Variants in RPTOR observed in about 807,000 individuals in gnomAD.
RPTOR encodes the protein regulatory associated protein of MTOR complex 1.
A neutral mutation model predicts 169.9 loss-of-function variants in RPTOR; 21 were observed. That is an observed-to-expected ratio of 0.12 (90% CI 0.09 to 0.18). The LOEUF is 0.18. Among genes scored for constraint, RPTOR ranks in the 10% least tolerant of loss-of-function variants. RPTOR has a pLI of 1.00. For missense variants in RPTOR, 1,133 were observed against 1,855.9 expected (o/e 0.61, Z 7.16); for synonymous variants, 732 against 753.2 (o/e 0.97, Z 0.46).
intron 4 of RPTOR, among the ~76,000 whole-genome samples, chr17:80,717,189 T>C (rs1729011329): frequency 6.6e-6 from 1 of 152,210 alleles, no homozygotes; most frequent in Non-Finnish European, 1.5e-5. Context: ...AGATGTGGCA[T>C]GCACCCCTCT....
intron 2 of RPTOR, among the ~76,000 whole-genome samples, chr17:80,627,579 T>A (rs2065405829): frequency 6.6e-6 from 1 of 152,234 alleles, no homozygotes; most frequent in Admixed American, 6.5e-5. Context: ...TGTATCTTGC[T>A]TCTTTCCTTT....
intron 1 of RPTOR, among the ~76,000 whole-genome samples, chr17:80,561,864 A>G (rs1354426291): frequency 6.6e-6 from 1 of 151,662 alleles, no homozygotes; most frequent in Non-Finnish European, 1.5e-5. Context: ...GTATACATGT[A>G]AGTATGTATG....
intron 10 of RPTOR, among the ~76,000 whole-genome samples, chr17:80,842,023 G>A (rs866864390): frequency 1.3e-5 from 2 of 150,098 alleles, no homozygotes; most frequent in South Asian, 4.3e-4. Flanking sequence ...CTCACCACAC[G>A]GCAGCTCACT....
chr17:80,660,440 C>G (rs751082081), intron 3 of RPTOR, among the ~76,000 whole-genome samples: 1 of 152,060 alleles, frequency 6.6e-6, no homozygotes, highest in South Asian at 2.1e-4. Flanking sequence ...AGTGATGGAT[C>G]GTACAACCTT....
chr17:80,690,187 C>T (rs944732777), intron 3 of RPTOR, among the ~76,000 whole-genome samples: 3 of 152,116 alleles, frequency 2.0e-5, no homozygotes, highest in African/African-American at 7.2e-5. Context: ...TTCCAGTCTC[C>T]TTTCATCTGT....
intron 6 of RPTOR, among the ~76,000 whole-genome samples, chr17:80,777,219 C>A (rs1233592823): frequency 1.4e-5 from 2 of 144,502 alleles, no homozygotes; most frequent in African/African-American, 5.2e-5. Context: ...GTCTTGGCAA[C>A]AGAGCAAGAC....
rs114761212 is a variant in RPTOR, at chr17:80,807,831, C to T, written c.891-14370C>T. Among the ~76,000 whole-genome samples, 374 of 152,248 alleles carry T rather than the reference C, an allele frequency of 2.5e-3. 1 individual carries two copies. The highest frequency in any genetic ancestry group is 8.8e-3 in the African/African-American group (366 of 41,540). On this transcript the variant is annotated intron_variant, in intron 7 of 33. Transcript: ENST00000306801. ...CAGATAGTATATGCCTTAGACTTTG[C>T]AGGCCATGTAAGGTCTCTGTCTCAT... is the stretch of plus-strand genomic sequence containing the variant.
In RPTOR at chr17:80,763,305, A is replaced by G. The variant is rs1319976972; in HGVS notation, c.830+9120A>G. Among the ~76,000 whole-genome samples the G allele has an allele frequency of 3.9e-5, 6 of 152,202 alleles. 1 individual carries two copies. The highest frequency in any genetic ancestry group is 3.9e-4 in the Admixed American group (6 of 15,286). ...TGTATTTCAAAGGTTGGAAATCAGA[A>G]GATGAAAAAGAGAAATACGAGCTAA... On this transcript the variant is annotated intron_variant, in intron 6 of 33. Coordinates refer to ENST00000306801, the MANE Select transcript of RPTOR (RefSeq NM_020761.3).
rs1599535327 is a variant in RPTOR, at chr17:80,544,902, A to G, written c.-728A>G. On this transcript the variant is annotated 5_prime_UTR_variant, in exon 1 of 34. Transcript: ENST00000306801. ...ATGAGTTTCACTGTAGCTCCAAACCAGAGGGCAAAGCTCCCATGACCCAAT... is the reference window on the plus strand; with the variant it reads ...ATGAGTTTCACTGTAGCTCCAAACCGGAGGGCAAAGCTCCCATGACCCAAT... The G allele has an allele frequency of 2.2e-5, 5 of 227,218 alleles. No individual in the cohort carries two copies. The highest frequency in any genetic ancestry group is 3.6e-4 in the South Asian group (2 of 5,484). 14.1% of individuals were successfully genotyped at this position (227,218 alleles called of 1,614,324 possible).
chr17:80,806,950 A>G (rs1236016798), intron 7 of RPTOR, among the ~76,000 whole-genome samples: 2 of 152,158 alleles, frequency 1.3e-5, no homozygotes, highest in African/African-American at 2.4e-5. Context: ...AACCCTCAGA[A>G]CTGAAGAAGG....
chr17:80,896,219 C>T (rs2143888117), intron 20 of RPTOR, among the ~76,000 whole-genome samples: 1 of 152,132 alleles, frequency 6.6e-6, no homozygotes, highest in African/African-American at 2.4e-5. Flanking sequence ...TTCTTTATGC[C>T]ACCCCAGACC....
chr17:80,548,371 G>GTTTTTTTTTTTTTTTTTTTTTTTTTTT (rs34301408), intron 1 of RPTOR, among the ~76,000 whole-genome samples: 1 of 63,432 alleles, frequency 1.6e-5, no homozygotes, highest in Non-Finnish European at 3.0e-5. Flanking sequence ...GCCTGGGGTG[G>GTTTTTTTTTTTTTTTTTTTTTTTTTTT]TTTTTTTTTT....
chr17:80,805,467 G>T (rs755363747), intron 7 of RPTOR: 1 of 152,256 alleles, frequency 6.6e-6, no homozygotes, highest in Non-Finnish European at 1.5e-5. Context: ...TGCTTTTCTC[G>T]ATGTGGCAGG....
rs2066278661 is a variant in RPTOR at position 80,720,770 on chromosome 17, C to CTGGGATACACAGGAAGACTGCCATCAG, written c.508-9790_508-9789insTGGGATACACAGGAAGACTGCCATCAG. ...CGGAGCCACAGACTGCCAGGCCCTCCCTGAGCCTCTGCTTCTGTGGCCGTG... is the reference window on the plus strand; with the variant it reads ...CGGAGCCACAGACTGCCAGGCCCTCCTGGGATACACAGGAAGACTGCCATCAGCTGAGCCTCTGCTTCTGTGGCCGTG... On this transcript the variant is annotated intron_variant, in intron 4 of 33. Transcript: ENST00000306801. Among the ~76,000 whole-genome samples the CTGGGATACACAGGAAGACTGCCATCAG allele has an allele frequency of 4.8e-5, 7 of 146,564 alleles. 1 individual carries two copies. The highest frequency in any genetic ancestry group is 1.9e-4 in the African/African-American group (7 of 36,350).
chr17:80,953,826 C>G (rs2069213635), intron 28 of RPTOR, among the ~76,000 whole-genome samples: 1 of 152,210 alleles, frequency 6.6e-6, no homozygotes, highest in South Asian at 2.1e-4. Flanking sequence ...TGCCCTCCCG[C>G]CCGGTTGCAC....
chr17:80,548,839 A>G (rs1019638099), intron 1 of RPTOR, among the ~76,000 whole-genome samples: 4 of 152,204 alleles, frequency 2.6e-5, no homozygotes, highest in Admixed American at 2.0e-4. Context: ...AGCTACATCA[A>G]CTACTTCCTG....
In RPTOR at chr17:80,551,218, G is replaced by A. The variant is rs2084340526; in HGVS notation, c.162+5427G>A. 2.0e-5 allele frequency among the ~76,000 whole-genome samples: 3 copies of A among 152,132 alleles called. No individual in the cohort carries two copies. The South Asian group carries it at 6.2e-4, about 32-fold the overall frequency. ...GATTTTTTGAAAGTGTGAAGGGGTG[G>A]GTTGCCCCTCCACACCTGTGGGTGT... On this transcript the variant is annotated intron_variant, in intron 1 of 33. Coordinates refer to ENST00000306801, the MANE Select transcript of RPTOR (RefSeq NM_020761.3).
At chr17:80,901,335 G>A (rs1041526295) in intron 20 of RPTOR, among the ~76,000 whole-genome samples, 1 of 151,948 alleles carries the variant, frequency 6.6e-6, no homozygotes, top group African/African-American at 2.4e-5. Context: ...CGAAGGAGCT[G>A]GACTCCCCAT....
chr17:80,911,972 G>A (rs574386515), intron 21 of RPTOR, among the ~76,000 whole-genome samples: 1 of 152,278 alleles, frequency 6.6e-6, no homozygotes, highest in South Asian at 2.1e-4. Flanking sequence ...TCTCAGATGA[G>A]CTGACGCTCT....
Sources: gnomAD v4.1 joint callset for allele counts (sites outside exome capture counted in the v4.1 genomes callset) on GRCh38, gnomAD v4.1.1 for gene constraint, MANE v1.5 for transcripts, NCBI Gene and HGNC (gene_info 2026-07-23, HGNC 2026-07-21) for gene names.